The following NDRG1 variants were observed in gnomAD, a reference collection of about 807,000 sequenced individuals.
NDRG1 encodes the protein N-myc downstream regulated 1, also known as protein NDRG1.
In NDRG1, 32 loss-of-function variants were observed where a neutral mutation model predicts 56.9. That is an observed-to-expected ratio of 0.56 (90% CI 0.42 to 0.76). The LOEUF (loss-of-function observed/expected upper bound fraction) is 0.76, where lower values mean the gene tolerates loss of function less well. Among genes scored for constraint, NDRG1 ranks in the 30% least tolerant of loss-of-function variants. The pLI is 0.00. For missense variants in NDRG1, 507 were observed against 545.7 expected, an observed-to-expected ratio of 0.93 and a Z score of 0.71; for synonymous variants, 211 against 204.1, an observed-to-expected ratio of 1.03 and a Z score of -0.29.
At chr8:133,284,030 A>G (rs1857959551) in intron 2 of NDRG1, among the ~76,000 whole-genome samples, 1 of 152,222 alleles carries the variant, frequency 6.6e-6, no homozygotes, top group South Asian at 2.1e-4. Flanking sequence ...TTTGCATTTC[A>G]AGGAAGCAGT....
rs538544331 is a variant in NDRG1 at position 133,242,584 on chromosome 8, A to T, written c.892-510T>A. On this transcript the variant is annotated intron_variant, in intron 14 of 15. Transcript: ENST00000323851. The stretch of plus-strand genomic sequence containing the variant: ...AGTAAGTGGTGGGTCCTGTACATTA[A>T]CCCAGGGCTCTCCAAACCTAAAACA... Among the ~76,000 whole-genome samples the T allele has an allele frequency of 3.3e-5, 5 of 152,256 alleles. No homozygotes were observed. The East Asian group carries it at 9.7e-4, about 29-fold the overall frequency.
At chr8:133,268,791 C>T (rs1563631340) in intron 3 of NDRG1, among the ~76,000 whole-genome samples, 1 of 152,026 alleles carries the variant, frequency 6.6e-6, no homozygotes, top group African/African-American at 2.4e-5. Context: ...CCTGGCCCCC[C>T]AGCACACACA....
At chr8:133,293,639 A>G (rs769072564) in intron 1 of NDRG1, among the ~76,000 whole-genome samples, 7 of 152,222 alleles carry the variant, frequency 4.6e-5, no homozygotes, top group African/African-American at 2.4e-5. Flanking sequence ...GCCTGAAGGT[A>G]CAGCGGCATG....
At position 133,258,429 on chromosome 8, in the gene NDRG1, G is replaced by A; in HGVS notation, c.390-3C>T. The A allele has an allele frequency of 6.2e-7, 1 of 1,608,552 alleles. No homozygotes were observed. The highest frequency in any genetic ancestry group is 2.2e-5 in the East Asian group (1 of 44,842). ...CCATGCCAATAATGCTTTTCAGCCTGGAAGCAAAAATACAAATGCATGTCA... is the reference window on the plus strand; with the variant it reads ...CCATGCCAATAATGCTTTTCAGCCTAGAAGCAAAAATACAAATGCATGTCA... On this transcript the variant is annotated splice_region_variant and splice_polypyrimidine_tract_variant and intron_variant, in intron 6 of 15. Coordinates refer to ENST00000323851, the MANE Select transcript of NDRG1 (RefSeq NM_006096.4).
intron 1 of NDRG1, among the ~76,000 whole-genome samples, chr8:133,287,495 C>A (rs537552804): frequency 1.3e-5 from 2 of 152,246 alleles, no homozygotes; most frequent in Non-Finnish European, 2.9e-5. Context: ...TTCCTGCCCC[C>A]ACGGAGCTCA....
At chr8:133,269,992 C>T (rs1459933147) in intron 3 of NDRG1, among the ~76,000 whole-genome samples, 1 of 152,262 alleles carries the variant, frequency 6.6e-6, no homozygotes, top group Non-Finnish European at 1.5e-5. Flanking sequence ...GTCACCTCCT[C>T]CTTCCTGCTA....
In NDRG1 at chr8:133,239,038, C is replaced by A; in HGVS notation, c.1025G>T (p.Ser342Ile). The A allele has an allele frequency of 6.3e-7, 1 of 1,596,862 alleles. No individual in the cohort carries two copies. The highest frequency in any genetic ancestry group is 1.1e-5 in the South Asian group (1 of 87,926). Residue 342 changes from serine (S) to isoleucine (I), a missense_variant, in exon 16 of 16, where the codon AGC becomes ATC. By Grantham distance (142) the Ser-to-Ile change is moderately radical (BLOSUM62 -2). Transcript: ENST00000323851. ...GGTGCCCTCGCTGGTGTGGGAGCGG[C>A]TGCGGGTGCCATCCAGAGAAGTGAC... ...SSVTSLDGTR[S>I]RSHTSEGTRS...
chr8:133,272,081 A>G (rs897478623), intron 3 of NDRG1, among the ~76,000 whole-genome samples: 1 of 152,202 alleles, frequency 6.6e-6, no homozygotes, highest in African/African-American at 2.4e-5. Context: ...GACCTTCAAG[A>G]GGTCAAGCTG....
intron 3 of NDRG1, among the ~76,000 whole-genome samples, chr8:133,277,632 T>C (rs905769608): frequency 6.6e-6 from 1 of 152,224 alleles, no homozygotes; most frequent in African/African-American, 2.4e-5. Flanking sequence ...CACAGGAATA[T>C]GAATGTACTT....
At chr8:133,273,809 G>A (rs1480598354) in intron 3 of NDRG1, among the ~76,000 whole-genome samples, 1 of 152,074 alleles carries the variant, frequency 6.6e-6, no homozygotes, top group Non-Finnish European at 1.5e-5. Context: ...CCTCCCCCAG[G>A]TGGCCTTCCA....
chr8:133,275,043 C>T (rs1461038794), intron 3 of NDRG1, among the ~76,000 whole-genome samples: 1 of 152,258 alleles, frequency 6.6e-6, no homozygotes, highest in East Asian at 1.9e-4. Context: ...CTGACCAGTC[C>T]CCGGGCTGAT....
At chr8:133,254,424 T>C (rs566444251) in intron 9 of NDRG1, 115 bp downstream of exon 9, 3 of 981,280 alleles carry the variant, frequency 3.1e-6, no homozygotes, top group African/African-American at 3.2e-5. Context: ...ACCAGCTCGG[T>C]GGCCCCCAGT....
intron 13 of NDRG1, 28 bp from the exon 14 acceptor site, chr8:133,244,418 C>T (rs753187503): frequency 6.2e-6 from 10 of 1,614,146 alleles, no homozygotes; most frequent in South Asian, 5.5e-5. Context: ...TCGTTAGTGC[C>T]AAACACCACA....
chr8:133,251,550 G>C (rs899453993), intron 9 of NDRG1, among the ~76,000 whole-genome samples: 1 of 152,214 alleles, frequency 6.6e-6, no homozygotes, highest in Non-Finnish European at 1.5e-5. Flanking sequence ...GATGCTCAAC[G>C]CTATGTCTGA....
chr8:133,282,177 G>T (rs559072193), intron 2 of NDRG1, among the ~76,000 whole-genome samples: 44 of 152,252 alleles, frequency 2.9e-4, no homozygotes, highest in African/African-American at 1.0e-3. Flanking sequence ...TAGGCTGCCC[G>T]AAATAAATAA....
At chr8:133,246,547 A>C (rs1346311040) in intron 13 of NDRG1, 69 bp downstream of exon 13, 1 of 1,505,448 alleles carries the variant, frequency 6.6e-7, no homozygotes, top group Non-Finnish European at 9.3e-7. Flanking sequence ...AGCCTAACTC[A>C]ATGTTGCAGA....
At chr8:133,279,128 G>C (rs919049263) in intron 3 of NDRG1, among the ~76,000 whole-genome samples, 2 of 152,184 alleles carry the variant, frequency 1.3e-5, no homozygotes, top group African/African-American at 4.8e-5. Flanking sequence ...GACCTCAGGT[G>C]ATCTGCCTGC....
At chr8:133,293,886 A>G (rs183728319) in intron 1 of NDRG1, among the ~76,000 whole-genome samples, 9 of 152,340 alleles carry the variant, frequency 5.9e-5, no homozygotes, top group African/African-American at 1.9e-4. Flanking sequence ...TACCTAGGTC[A>G]AGCATTTGCA....
chr8:133,260,271 C>T (rs1856596081), intron 5 of NDRG1, among the ~76,000 whole-genome samples: 1 of 152,168 alleles, frequency 6.6e-6, no homozygotes, highest in Non-Finnish European at 1.5e-5. Flanking sequence ...AGCCAGGGAT[C>T]CCCTACCCTG....
Sources: gnomAD v4.1 joint callset for allele counts (sites outside exome capture counted in the v4.1 genomes callset) on GRCh38, gnomAD v4.1.1 for gene constraint, MANE v1.5 for transcripts, NCBI Gene and HGNC (gene_info 2026-07-23, HGNC 2026-07-21) for gene names.